Variants in RBM20 observed in about 807,000 individuals in gnomAD.
RBM20 encodes the protein RNA-binding protein 20.
In RBM20, 51 loss-of-function variants were observed where a neutral mutation model predicts 110.1. The observed-to-expected ratio is 0.46, with a 90% confidence interval of 0.37 to 0.59. RBM20 has a LOEUF of 0.59. Ranked by LOEUF, RBM20 falls within the 20% of genes least tolerant of loss-of-function variation. The pLI, the probability that RBM20 is intolerant of heterozygous loss-of-function variation, is 0.00. For synonymous variants in RBM20, 589 were observed against 618.2 expected (o/e 0.95, Z 0.70); for missense variants, 1,512 against 1,574.9 (o/e 0.96, Z 0.68).
At chr10:110,810,244 T>C (rs2135099500) in intron 7 of RBM20, 139 bp from the exon 8 acceptor site, 1 of 653,782 alleles carries the variant, frequency 1.5e-6, no homozygotes, top group East Asian at 2.9e-5. Context: ...TCCGTTGGAT[T>C]ACACCTTTTG....
chr10:110,741,736 G>T (rs1308688186), intron 1 of RBM20, among the ~76,000 whole-genome samples: 3 of 150,896 alleles, frequency 2.0e-5, no homozygotes, highest in Non-Finnish European at 4.4e-5. Context: ...CCATCACCTG[G>T]CTTTGTCCTA....
chr10:110,718,015 A>G (rs185336354), intron 1 of RBM20, among the ~76,000 whole-genome samples: 1 of 152,318 alleles, frequency 6.6e-6, no homozygotes, highest in East Asian at 1.9e-4. Context: ...TCTGTTTGAC[A>G]TGTGGCAATA....
At chr10:110,645,703 A>T (rs1331094196) in intron 1 of RBM20, among the ~76,000 whole-genome samples, 2 of 152,224 alleles carry the variant, frequency 1.3e-5, no homozygotes, top group African/African-American at 4.8e-5. Context: ...TTGAAGACTG[A>T]TTTATCTAAT....
chr10:110,804,055 C>G (rs897505041), intron 7 of RBM20, among the ~76,000 whole-genome samples: 19 of 152,288 alleles, frequency 1.2e-4, no homozygotes, highest in African/African-American at 4.6e-4. Context: ...CTCAGCAGCT[C>G]TTTCTCCCCC....
intron 1 of RBM20, among the ~76,000 whole-genome samples, chr10:110,682,865 TATC>T (rs1371959528): frequency 6.6e-6 from 1 of 152,264 alleles, no homozygotes; most frequent in Non-Finnish European, 1.5e-5. Context: ...CTATAATAGT[TATC>T]ATTGTCATAT....
intron 9 of RBM20, among the ~76,000 whole-genome samples, chr10:110,815,314 C>G (rs746551246): frequency 2.0e-4 from 30 of 152,186 alleles, no homozygotes; most frequent in Non-Finnish European, 3.8e-4. Context: ...TGAAAGGACA[C>G]CCAGTAGTCT....
intron 7 of RBM20, among the ~76,000 whole-genome samples, chr10:110,803,674 A>G (rs1389324744): frequency 1.3e-5 from 2 of 152,128 alleles, no homozygotes; most frequent in Non-Finnish European, 2.9e-5. Context: ...CGCATGGAAT[A>G]ACAGATGTGA....
At chr10:110,804,906 G>A (rs989077995) in intron 7 of RBM20, among the ~76,000 whole-genome samples, 7 of 152,166 alleles carry the variant, frequency 4.6e-5, no homozygotes, top group South Asian at 2.1e-4. Context: ...AATAGGCTTC[G>A]GGTGGGAATG....
intron 1 of RBM20, among the ~76,000 whole-genome samples, chr10:110,681,264 C>T (rs1282630628): frequency 6.6e-6 from 1 of 152,226 alleles, no homozygotes; most frequent in East Asian, 1.9e-4. Context: ...AGGGTCTGCA[C>T]CAAACCTCCT....
chr10:110,654,791 C>T (rs550935050), intron 1 of RBM20, among the ~76,000 whole-genome samples: 2 of 152,304 alleles, frequency 1.3e-5, no homozygotes, highest in East Asian at 3.9e-4. Flanking sequence ...GTTCTGGATT[C>T]AGCTTTGCCA....
At chr10:110,811,403 C>T (rs1240030365) in intron 8 of RBM20, among the ~76,000 whole-genome samples, 2 of 152,108 alleles carry the variant, frequency 1.3e-5, no homozygotes, top group South Asian at 2.1e-4. Context: ...TATATATGTG[C>T]GTATATCTTT....
intron 7 of RBM20, among the ~76,000 whole-genome samples, chr10:110,802,583 C>T (rs972103543): frequency 3.3e-5 from 5 of 152,174 alleles, no homozygotes; most frequent in African/African-American, 9.7e-5. Context: ...TTAGGATTAA[C>T]GGCAGTAATT....
intron 1 of RBM20, among the ~76,000 whole-genome samples, chr10:110,753,330 C>G (rs1013800208): frequency 2.0e-5 from 3 of 152,088 alleles, no homozygotes; most frequent in African/African-American, 7.2e-5. Flanking sequence ...AATGTTTAAC[C>G]ACTCCCAACT....
chr10:110,778,223 G>A (rs1220070148), intron 1 of RBM20, among the ~76,000 whole-genome samples: 1 of 152,252 alleles, frequency 6.6e-6, no homozygotes, highest in Non-Finnish European at 1.5e-5. Flanking sequence ...CAGCCAGCCT[G>A]TTCTGCCCTT....
intron 9 of RBM20, among the ~76,000 whole-genome samples, chr10:110,817,859 A>G (rs1428744679): frequency 6.6e-6 from 1 of 152,260 alleles, no homozygotes; most frequent in East Asian, 1.9e-4. Flanking sequence ...AGCTGGCATT[A>G]GAGTAACAGG....
intron 7 of RBM20, among the ~76,000 whole-genome samples, chr10:110,802,634 C>T (rs1427641191): frequency 6.6e-6 from 1 of 152,136 alleles, no homozygotes; most frequent in Non-Finnish European, 1.5e-5. Context: ...CAATACCTTC[C>T]TGAGGGAGAT....
At chr10:110,784,302 C>G in intron 3 of RBM20, 39 bp from the exon 4 acceptor site, 1 of 1,424,852 alleles carries the variant, frequency 7.0e-7, no homozygotes, top group Non-Finnish European at 9.7e-7. Context: ...CTTTGTTTAA[C>G]TTATTAAGGA....
At chr10:110,761,155 C>G (rs767873399) in intron 1 of RBM20, 4 of 150,276 alleles carry the variant, frequency 2.7e-5, no homozygotes, top group East Asian at 2.0e-4. Flanking sequence ...TACAGCCATA[C>G]TACCTTGAAT....
In RBM20 at chr10:110,644,931, G is replaced by A. The variant is rs1036366271; in HGVS notation, c.191+286G>A. Reference sequence around the variant, plus strand: ...TTTTGAACTAAAATAGCTCAGATTGGGGGGAAATGGCCCAGCGACTGTATT... The same window carrying A: ...TTTTGAACTAAAATAGCTCAGATTGAGGGGAAATGGCCCAGCGACTGTATT... On this transcript the variant is annotated intron_variant, in intron 1 of 13. Transcript: ENST00000369519. This position sits in a 1 kb window ranked among gnomAD's most constrained non-coding sequence, Gnocchi z 4.3. 3.3e-5 allele frequency among the ~76,000 whole-genome samples: 5 copies of A among 152,120 alleles called. No homozygotes were observed. The highest frequency in any genetic ancestry group is 6.5e-5 in the Admixed American group (1 of 15,276).
Sources: gnomAD v4.1 joint callset for allele counts (sites outside exome capture counted in the v4.1 genomes callset) on GRCh38, gnomAD v4.1.1 for gene constraint, Gnocchi (gnomAD v3.1) non-coding constraint, MANE v1.5 for transcripts, NCBI Gene and HGNC (gene_info 2026-07-23, HGNC 2026-07-21) for gene names.